The following NNMT variants were observed in gnomAD, a reference collection of about 807,000 sequenced individuals.
NNMT encodes nicotinamide N-methyltransferase.
NNMT carries 10 observed loss-of-function variants against 11.7 expected under a neutral mutation model. The observed-to-expected ratio is 0.85, with a 90% CI of 0.53 to 1.45. The LOEUF is 1.45. NNMT is among the 40% of genes most tolerant of loss of function. The probability of loss-of-function intolerance (pLI) is 0.00; values close to 1 mark genes in which losing one functional copy is unlikely to be tolerated. For missense variants in NNMT, 381 were observed against 319.4 expected (o/e 1.19, Z -1.47); for synonymous variants, 143 against 133.8 (o/e 1.07, Z -0.48).
At chr11:114,280,423 C>T (rs770642062) in intron 2 of NNMT, among the ~76,000 whole-genome samples, 2 of 152,056 alleles carry the variant, frequency 1.3e-5, no homozygotes, top group Non-Finnish European at 2.9e-5. Context: ...CCAGAGCTCT[C>T]CAAAGGTGGA....
At chr11:114,258,719 A>C (rs946226793) in intron 1 of NNMT, among the ~76,000 whole-genome samples, 2 of 152,156 alleles carry the variant, frequency 1.3e-5, no homozygotes, top group African/African-American at 4.8e-5. Context: ...CAAACTCCTT[A>C]ACAAAGTTCC....
intron 2 of NNMT, among the ~76,000 whole-genome samples, chr11:114,263,435 C>A (rs1945098704): frequency 6.6e-6 from 1 of 152,184 alleles, no homozygotes; most frequent in African/African-American, 2.4e-5. Flanking sequence ...GCTTACTTAG[C>A]AGCTCCAGAG....
At chr11:114,287,746 T>G (rs1473335979) in intron 2 of NNMT, among the ~76,000 whole-genome samples, 2 of 152,214 alleles carry the variant, frequency 1.3e-5, no homozygotes, top group Non-Finnish European at 2.9e-5. Flanking sequence ...ATATAAATTT[T>G]AGAGCCAGCT....
At chr11:114,269,222 G>A (rs906808828) in intron 2 of NNMT, among the ~76,000 whole-genome samples, 6 of 152,112 alleles carry the variant, frequency 3.9e-5, no homozygotes, top group Non-Finnish European at 8.8e-5. Context: ...ATGTATTTTG[G>A]ATGAATGCAG....
chr11:114,293,790 A>G (rs1370526459), upstream of NNMT, among the ~76,000 whole-genome samples: 2 of 152,080 alleles, frequency 1.3e-5, no homozygotes, highest in East Asian at 1.9e-4. Flanking sequence ...CCAGGTATAT[A>G]CCCAAAGGAA....
chr11:114,264,150 T>TC (rs1945103338), intron 2 of NNMT, among the ~76,000 whole-genome samples: 1 of 151,562 alleles, frequency 6.6e-6, no homozygotes, highest in Non-Finnish European at 1.5e-5. Flanking sequence ...TACATCCATT[T>TC]CCCCCTCTCT....
At chr11:114,304,635 G>T (rs1565728071) in intron 2 of NNMT, among the ~76,000 whole-genome samples, 1 of 152,142 alleles carries the variant, frequency 6.6e-6, no homozygotes. Flanking sequence ...GGCTGCCAAA[G>T]ACGTATGTAC....
At chr11:114,280,054 C>G (rs1431369476) in intron 2 of NNMT, among the ~76,000 whole-genome samples, 1 of 152,070 alleles carries the variant, frequency 6.6e-6, no homozygotes, top group Non-Finnish European at 1.5e-5. Flanking sequence ...AAACCTCGAT[C>G]AGGAAACATG....
rs189578428 is a variant in NNMT at position 114,285,210 on chromosome 11, G to C, written c.-129-11218G>C. 1.2e-3 allele frequency among the ~76,000 whole-genome samples: 190 copies of C among 152,242 alleles called. 1 individual carries two copies. In the South Asian group the frequency reaches 0.018, roughly 15 times the overall value. ...AGAAGCCAGTGAAAATATTTGAGAC[G>C]CTGGAGTATTGATAACCAGATAATT... On this transcript the variant is annotated intron_variant, in intron 2 of 4. Coordinates refer to the NNMT transcript ENST00000535401.
chr11:114,283,199 G>T (rs1253198533), intron 2 of NNMT, among the ~76,000 whole-genome samples: 1 of 152,142 alleles, frequency 6.6e-6, no homozygotes, highest in Non-Finnish European at 1.5e-5. Flanking sequence ...TCTCACACAG[G>T]TCTCTATATG....
At chr11:114,294,968 G>C (rs1945361843), upstream of NNMT, among the ~76,000 whole-genome samples, 1 of 152,226 alleles carries the variant, frequency 6.6e-6, no homozygotes, top group Non-Finnish European at 1.5e-5. Flanking sequence ...CAACAAAAGA[G>C]AGAGCGAATT....
intron 2 of NNMT, among the ~76,000 whole-genome samples, chr11:114,272,136 T>C (rs1268018104): frequency 1.3e-5 from 2 of 152,146 alleles, no homozygotes; most frequent in South Asian, 2.1e-4. Flanking sequence ...GGGGATCAGA[T>C]GGTTTGCTCC....
chr11:114,271,556 C>T (rs993333174), intron 2 of NNMT, among the ~76,000 whole-genome samples: 2 of 152,234 alleles, frequency 1.3e-5, no homozygotes, highest in Admixed American at 1.3e-4. Flanking sequence ...TTTTGACCTG[C>T]ATCTGGGTTA....
intron 2 of NNMT, among the ~76,000 whole-genome samples, chr11:114,273,812 C>G (rs1240237280): frequency 6.6e-6 from 1 of 152,076 alleles, no homozygotes; most frequent in Non-Finnish European, 1.5e-5. Flanking sequence ...TGCACTCCAG[C>G]CTGGGCAACA....
At chr11:114,267,971 G>T (rs1945134611) in intron 2 of NNMT, among the ~76,000 whole-genome samples, 1 of 152,162 alleles carries the variant, frequency 6.6e-6, no homozygotes, top group African/African-American at 2.4e-5. Context: ...GCATCGATTT[G>T]TTATTTCTCT....
intron 2 of NNMT, among the ~76,000 whole-genome samples, chr11:114,287,282 A>C (rs1015545241): frequency 1.3e-5 from 2 of 152,162 alleles, no homozygotes; most frequent in African/African-American, 4.8e-5. Context: ...TTCATGATTC[A>C]TGGCTTTTGT....
upstream of NNMT, chr11:114,295,964 A>T (rs1945372552): frequency 6.6e-6 from 1 of 152,270 alleles, no homozygotes; most frequent in South Asian, 2.1e-4. Flanking sequence ...CCAGGCTTTT[A>T]AAATTACTCT....
At chr11:114,311,854 T>A (rs1047728264) in intron 2 of NNMT, among the ~76,000 whole-genome samples, 191 bp from the exon 3 acceptor site, 2 of 152,168 alleles carry the variant, frequency 1.3e-5, no homozygotes, top group African/African-American at 2.4e-5. Flanking sequence ...AGATTTAACA[T>A]AGCTCAGGGT....
chr11:114,286,808 A>G (rs1945304181), intron 2 of NNMT, among the ~76,000 whole-genome samples: 3 of 152,220 alleles, frequency 2.0e-5, no homozygotes, highest in African/African-American at 7.2e-5. Flanking sequence ...TACTGGGCAT[A>G]GGGTACGCAG....
Sources: gnomAD v4.1 joint callset for allele counts (sites outside exome capture counted in the v4.1 genomes callset) on GRCh38, gnomAD v4.1.1 for gene constraint, MANE v1.5 for transcripts, NCBI Gene and HGNC (gene_info 2026-07-23, HGNC 2026-07-21) for gene names.